BRCC3: variants seen among roughly 807,000 people sequenced by gnomAD.
The protein encoded by BRCC3 is lys-63-specific deubiquitinase BRCC36.
In BRCC3, 15 loss-of-function variants were observed where a neutral mutation model predicts 28.0. The ratio of observed to expected loss-of-function variants is 0.54; its 90% confidence interval spans 0.36 to 0.82. The LOEUF is 0.82. Ranked by LOEUF, BRCC3 falls within the 40% of genes least tolerant of loss-of-function variation. BRCC3 has a pLI of 0.01. For synonymous variants in BRCC3, 66 were observed against 80.3 expected, an observed-to-expected ratio of 0.82 and a Z score of 0.95; for missense variants, 109 against 225.9, an observed-to-expected ratio of 0.48 and a Z score of 3.32.
At chrX:155,078,781 G>T (rs1557293906) in intron 5 of BRCC3, 78 bp downstream of exon 5, 2 of 754,564 alleles carry the variant, frequency 2.7e-6, no homozygotes, top group Non-Finnish European at 3.8e-6. Flanking sequence ...ATAGGGTATG[G>T]TTATTTTAAA....
intron 7 of BRCC3, among the ~76,000 whole-genome samples, chrX:155,101,104 G>A (rs1200851100): frequency 9.1e-6 from 1 of 110,479 alleles, no homozygotes; most frequent in Non-Finnish European, 1.9e-5. Context: ...TCGCCATGTT[G>A]CCCAGGCTGG....
intron 5 of BRCC3, among the ~76,000 whole-genome samples, chrX:155,084,599 G>A (rs782390757): frequency 1.8e-5 from 2 of 111,783 alleles, no homozygotes; most frequent in African/African-American, 3.3e-5. Context: ...TCCTGACCTC[G>A]TGATCCACCC....
At chrX:155,081,052 C>T (rs1359884426) in intron 5 of BRCC3, among the ~76,000 whole-genome samples, 1 of 111,615 alleles carries the variant, frequency 9.0e-6, no homozygotes, top group Non-Finnish European at 1.9e-5. Flanking sequence ...ATTTACAGGC[C>T]GGGCATAGTG....
At chrX:155,111,485 A>G (rs963028403) in intron 7 of BRCC3, among the ~76,000 whole-genome samples, 4 of 112,097 alleles carry the variant, frequency 3.6e-5, no homozygotes, top group Non-Finnish European at 7.6e-5. Context: ...ATCTTCAACA[A>G]CTGTGCCATG....
intron 7 of BRCC3, among the ~76,000 whole-genome samples, chrX:155,115,351 A>G (rs940797143): frequency 2.7e-5 from 3 of 111,604 alleles, no homozygotes; most frequent in Non-Finnish European, 5.7e-5. Flanking sequence ...GCTAGATCTT[A>G]AGCTGCCTTA....
At chrX:155,072,729 CT>C (rs782477739) in intron 2 of BRCC3, among the ~76,000 whole-genome samples, 3 of 105,627 alleles carry the variant, frequency 2.8e-5, no homozygotes, top group Admixed American at 1.0e-4. Context: ...ACCCGGCTGT[CT>C]TTTTTTTTTG....
intron 7 of BRCC3, among the ~76,000 whole-genome samples, chrX:155,092,583 G>A (rs1159033397): frequency 9.0e-6 from 1 of 111,079 alleles, no homozygotes; most frequent in Admixed American, 9.6e-5. Flanking sequence ...GGTTTTGAGT[G>A]GCTTTTTCCC....
At chrX:155,110,999 A>G (rs1403905855) in intron 7 of BRCC3, among the ~76,000 whole-genome samples, 1 of 111,492 alleles carries the variant, frequency 9.0e-6, no homozygotes, top group African/African-American at 3.3e-5. Context: ...CATATTAAGA[A>G]CCACAGAAAT....
At chrX:155,098,431 A>G (rs782220858) in intron 7 of BRCC3, among the ~76,000 whole-genome samples, 19 of 112,447 alleles carry the variant, frequency 1.7e-4, no homozygotes, top group Non-Finnish European at 2.8e-4. Context: ...CATTATGGTA[A>G]CTGATTGTGG....
intron 6 of BRCC3, among the ~76,000 whole-genome samples, chrX:155,090,217 T>C (rs2124268271): frequency 8.9e-6 from 1 of 112,290 alleles, no homozygotes; most frequent in South Asian, 3.7e-4. Context: ...TGGATTCTGT[T>C]TGAATTTTAT....
intron 7 of BRCC3, among the ~76,000 whole-genome samples, chrX:155,098,869 A>G (rs782417232): frequency 8.9e-5 from 10 of 112,405 alleles, no homozygotes; most frequent in Non-Finnish European, 1.9e-4. Flanking sequence ...TATCTGAGAG[A>G]GATGTGTATG....
At chrX:155,117,585 C>T (rs1167282988) in intron 9 of BRCC3, among the ~76,000 whole-genome samples, 1 of 111,395 alleles carries the variant, frequency 9.0e-6, no homozygotes, top group Non-Finnish European at 1.9e-5. Context: ...CAGGATAAAA[C>T]ATGACAGAGT....
Position 155,120,626 on chromosome X carries a change from G to C in BRCC3, c.*18+458G>C, listed in dbSNP as rs782499991. 1.2e-3 allele frequency among the ~76,000 whole-genome samples: 136 copies of C among 111,256 alleles called. 1 individual carries two copies. Among genetic ancestry groups the C allele is most frequent in the Middle Eastern group, 4.6e-3 (1 of 218 alleles). On this transcript the variant is annotated intron_variant, in intron 10 of 10. Coordinates refer to ENST00000330045, the MANE Select transcript of BRCC3 (RefSeq NM_001018055.3). ...TACCCCACCTCTATGCCCTCACTGA[G>C]AGGGCAGTGTCTTCCTTCTTGATTT... is the stretch of plus-strand genomic sequence containing the variant.
intron 9 of BRCC3, among the ~76,000 whole-genome samples, chrX:155,117,043 A>G (rs1339099919): frequency 1.8e-5 from 2 of 112,350 alleles, no homozygotes; most frequent in Non-Finnish European, 3.8e-5. Context: ...CCAGATCTCA[A>G]GGAGCAGGGA....
chrX:155,077,439 C>G, intron 4 of BRCC3, 150 bp downstream of exon 4: 1 of 498,280 alleles, frequency 2.0e-6, no homozygotes, highest in Non-Finnish European at 2.8e-6. Context: ...CTCTATTTCT[C>G]CTTTTGAGTG....
chrX:155,091,505 C>T (rs2074174694), intron 7 of BRCC3, among the ~76,000 whole-genome samples: 1 of 110,955 alleles, frequency 9.0e-6, no homozygotes, highest in East Asian at 2.8e-4. Context: ...CTCCTGACCT[C>T]AGGTGATCCG....
intron 7 of BRCC3, among the ~76,000 whole-genome samples, chrX:155,111,199 G>A (rs1174446334): frequency 3.6e-5 from 4 of 111,521 alleles, no homozygotes; most frequent in African/African-American, 9.7e-5. Context: ...AGAAGCAAAT[G>A]TAAATTTTAC....
At chrX:155,114,246 C>T (rs1284252287) in intron 7 of BRCC3, among the ~76,000 whole-genome samples, 5 of 111,133 alleles carry the variant, frequency 4.5e-5, no homozygotes, top group South Asian at 3.8e-4. Flanking sequence ...CAAAATGCAA[C>T]GTAACATATA....
At chrX:155,107,597 T>A (rs1327891219) in intron 7 of BRCC3, among the ~76,000 whole-genome samples, 1 of 111,734 alleles carries the variant, frequency 8.9e-6, no homozygotes, top group Non-Finnish European at 1.9e-5. Flanking sequence ...CCTTCTCTGA[T>A]AATTCTCAAC....
Sources: gnomAD v4.1 joint callset for allele counts (sites outside exome capture counted in the v4.1 genomes callset) on GRCh38, gnomAD v4.1.1 for gene constraint, MANE v1.5 for transcripts, NCBI Gene and HGNC (gene_info 2026-07-23, HGNC 2026-07-21) for gene names.